The following CTNNBIP1 variants were observed in gnomAD, a reference collection of about 807,000 sequenced individuals.
The protein encoded by CTNNBIP1 is beta-catenin-interacting protein 1.
Under a neutral mutation model 11.8 loss-of-function variants are expected in CTNNBIP1, and 7 were observed. The observed-to-expected ratio is 0.60, with a 90% CI of 0.34 to 1.12. CTNNBIP1 has a LOEUF of 1.12. Ranked by LOEUF, CTNNBIP1 falls within the 50% of genes most tolerant of loss-of-function variation. The probability of loss-of-function intolerance (pLI) is 0.03; values close to 1 mark genes in which losing one functional copy is unlikely to be tolerated. For synonymous variants in CTNNBIP1, 58 were observed against 43.9 expected (o/e 1.32, Z -1.26); for missense variants, 101 against 113.4 (o/e 0.89, Z 0.50).
At chr1:9,887,398 C>A (rs1156878011) in intron 1 of CTNNBIP1, among the ~76,000 whole-genome samples, 1 of 152,212 alleles carries the variant, frequency 6.6e-6, no homozygotes, top group Non-Finnish European at 1.5e-5. Context: ...TTGACAGACG[C>A]ATTATCCATT....
chr1:9,892,199 G>A (rs1157962349), intron 1 of CTNNBIP1, among the ~76,000 whole-genome samples: 1 of 151,986 alleles, frequency 6.6e-6, no homozygotes, highest in Non-Finnish European at 1.5e-5. Flanking sequence ...GAGGCGGGCG[G>A]ATCATGAGGT....
At chr1:9,899,842 G>A (rs1162815364) in intron 1 of CTNNBIP1, among the ~76,000 whole-genome samples, 2 of 152,152 alleles carry the variant, frequency 1.3e-5, no homozygotes, top group East Asian at 1.9e-4. Flanking sequence ...GGGAGGCCGA[G>A]GTGGGTGGAT....
intron 3 of CTNNBIP1, among the ~76,000 whole-genome samples, chr1:9,875,350 C>T (rs1638945741): frequency 6.6e-6 from 1 of 152,220 alleles, no homozygotes; most frequent in African/African-American, 2.4e-5. Flanking sequence ...TAGGTGCTTC[C>T]CAGAGGAGCG....
intron 5 of CTNNBIP1, among the ~76,000 whole-genome samples, chr1:9,866,679 CAAAA>C (rs57899217): frequency 9.3e-6 from 1 of 107,252 alleles, no homozygotes; most frequent in African/African-American, 3.0e-5. Flanking sequence ...AACTCCTTCT[CAAAA>C]AAAAAAAAAA....
At chr1:9,909,632 C>A (rs1236846268) in intron 1 of CTNNBIP1, among the ~76,000 whole-genome samples, 1 of 152,144 alleles carries the variant, frequency 6.6e-6, no homozygotes, top group East Asian at 1.9e-4. Context: ...CAGGTACCTT[C>A]CAGGAAGGCT....
intron 1 of CTNNBIP1, among the ~76,000 whole-genome samples, chr1:9,905,212 A>T (rs1639593890): frequency 6.6e-6 from 1 of 152,070 alleles, no homozygotes; most frequent in Non-Finnish European, 1.5e-5. Context: ...ACAGCCACAA[A>T]TTTGGCCCCT....
intron 1 of CTNNBIP1, among the ~76,000 whole-genome samples, chr1:9,903,400 C>T (rs1420201134): frequency 6.6e-6 from 1 of 152,170 alleles, no homozygotes; most frequent in Non-Finnish European, 1.5e-5. Flanking sequence ...AAAAATGGAG[C>T]CACAGGTATG....
At position 9,872,038 on chromosome 1, in the gene CTNNBIP1, C is replaced by A. The variant is rs751743905; in HGVS notation, c.27G>T (p.Lys9Asn). 5.0e-6 allele frequency: 8 copies of A among 1,614,206 alleles called. No homozygotes were observed. Among genetic ancestry groups the A allele is most frequent in the Non-Finnish European group, 5.9e-6 (7 of 1,180,006 alleles). Reference protein sequence around the residue: MNREGAPGKSPEEMYIQQK... With the variant: MNREGAPGNSPEEMYIQQK... The stretch of plus-strand genomic sequence containing the variant: ...GCTGAATGTACATCTCCTCCGGACT[C>A]TTCCCGGGAGCTCCCTCGCGGTTCA... Residue 9 changes from lysine (K) to asparagine (N), a missense_variant, in exon 4 of 6, where the codon AAG (lysine) becomes AAT (asparagine). Physicochemically the swap from Lys to Asn is moderately conservative, Grantham distance 94 (BLOSUM62 0). Transcript: ENST00000377263. This position sits in a 1 kb window ranked among gnomAD's most constrained non-coding sequence, Gnocchi z 4.0.
chr1:9,855,358 T>C (rs745670816), intron 5 of CTNNBIP1, among the ~76,000 whole-genome samples: 6 of 149,688 alleles, frequency 4.0e-5, no homozygotes, highest in Non-Finnish European at 8.8e-5. Context: ...AAAGAAGAAG[T>C]TGGACTCACA....
rs572930050 is a variant in CTNNBIP1, at chr1:9,864,333, G to C, written c.187+6854C>G. Among the ~76,000 whole-genome samples the C allele has an allele frequency of 1.1e-3, 168 of 152,318 alleles. 1 individual carries two copies. Among genetic ancestry groups the C allele is most frequent in the African/African-American group, 3.8e-3 (157 of 41,580 alleles). ...CCCTCTCAGCAACACCTTGACAAGGGCCTTTTCTTTTTTTAGGCCGAGTCT... is the reference window on the plus strand; with the variant it reads ...CCCTCTCAGCAACACCTTGACAAGGCCCTTTTCTTTTTTTAGGCCGAGTCT... On this transcript the variant is annotated intron_variant, in intron 5 of 5. Transcript: ENST00000377263.
intron 5 of CTNNBIP1, 108 bp from the exon 6 acceptor site, chr1:9,850,884 C>T (rs907373553): frequency 1.6e-5 from 16 of 1,006,540 alleles, no homozygotes; most frequent in Admixed American, 3.4e-5. Flanking sequence ...ACCAGGATCG[C>T]GGCACTCTCT....
At chr1:9,909,943 C>T (rs1376296792) in intron 1 of CTNNBIP1, among the ~76,000 whole-genome samples, 152 bp downstream of exon 1, 2 of 151,786 alleles carry the variant, frequency 1.3e-5, no homozygotes, top group African/African-American at 2.4e-5. Context: ...ACCAGGGCGC[C>T]GCGCCGCTGG....
chr1:9,887,887 C>T (rs1481549922), intron 1 of CTNNBIP1, among the ~76,000 whole-genome samples: 1 of 151,724 alleles, frequency 6.6e-6, no homozygotes, highest in Non-Finnish European at 1.5e-5. Flanking sequence ...TGCAGTGGTG[C>T]GATCTCAGCT....
chr1:9,904,842 C>A (rs934949097), intron 1 of CTNNBIP1, among the ~76,000 whole-genome samples: 1 of 152,116 alleles, frequency 6.6e-6, no homozygotes, highest in Non-Finnish European at 1.5e-5. Context: ...GCACTGGCAA[C>A]ATTCATTCAT....
chr1:9,852,801 C>G (rs1325167655), intron 5 of CTNNBIP1, among the ~76,000 whole-genome samples: 1 of 152,224 alleles, frequency 6.6e-6, no homozygotes. Flanking sequence ...TGGCCTTTCG[C>G]TCAGGGACCT....
intron 1 of CTNNBIP1, among the ~76,000 whole-genome samples, chr1:9,905,974 T>C (rs2101551025): frequency 6.6e-6 from 1 of 152,244 alleles, no homozygotes; most frequent in East Asian, 1.9e-4. Context: ...AAATCTCTGC[T>C]CTCAAAGAGC....
rs1639006005 is a variant in CTNNBIP1, at chr1:9,877,945, T to C, written c.-65A>G. 1 of 152,794 alleles carries C rather than the reference T, an allele frequency of 6.5e-6. No individual in the cohort carries two copies. The highest frequency in any genetic ancestry group is 1.5e-5 in the Non-Finnish European group (1 of 68,196). 9.5% of individuals were successfully genotyped at this position (152,794 alleles called of 1,614,324 possible). ...AACTTCAGGCAAACAGGTGCTCAAC[T>C]GTGAGGGGAGGGCTGTGGCTGGGCA... On this transcript the variant is annotated 5_prime_UTR_variant, in exon 3 of 6. Coordinates refer to ENST00000377263, the MANE Select transcript of CTNNBIP1 (RefSeq NM_020248.3).
At position 9,871,335 on chromosome 1, in the gene CTNNBIP1, C is replaced by CTGCA; in HGVS notation, c.97-62_97-59dup. The CTGCA allele has an allele frequency of 7.6e-7, 1 of 1,310,274 alleles. No individual in the cohort carries two copies. Among genetic ancestry groups the CTGCA allele is most frequent in the Non-Finnish European group, 1.1e-6 (1 of 933,220 alleles). 81.2% of individuals were successfully genotyped at this position (1,310,274 alleles called of 1,614,324 possible). A position where few individuals can be genotyped will look rare whatever the true frequency, so the allele number is the denominator to read the frequency against. On this transcript the variant is annotated intron_variant, in intron 4 of 5. Coordinates refer to ENST00000377263, the MANE Select transcript of CTNNBIP1 (RefSeq NM_020248.3). The surrounding 1 kb of genome is among the most constrained non-coding windows in gnomAD (Gnocchi z 5.2). ...CATGCACCTGTTCCCTGAAAGGCAC[C>CTGCA]TGCACCCCTAGAGGCACCGCCTAGG...
chr1:9,866,008 T>G (rs1638736867), intron 5 of CTNNBIP1, among the ~76,000 whole-genome samples: 1 of 152,194 alleles, frequency 6.6e-6, no homozygotes, highest in Non-Finnish European at 1.5e-5. Flanking sequence ...AAGCCAAGTC[T>G]CTCTGGTTTC....
Sources: allele counts gnomAD v4.1 joint callset (sites outside exome capture counted in the v4.1 genomes callset), GRCh38; gene constraint gnomAD v4.1.1; non-coding constraint Gnocchi (gnomAD v3.1); transcripts MANE v1.5; gene names NCBI Gene and HGNC (gene_info 2026-07-23, HGNC 2026-07-21).